CLVS1: variants seen among roughly 807,000 people sequenced by gnomAD.
The protein encoded by CLVS1 is clavesin-1.
Under a neutral mutation model 33.1 loss-of-function variants are expected in CLVS1, and 10 were observed. The observed-to-expected ratio is 0.30, with a 90% CI of 0.19 to 0.51. CLVS1 has a LOEUF of 0.51. CLVS1 is among the 20% of genes least tolerant of loss of function. The probability of loss-of-function intolerance (pLI) is 0.97; values close to 1 mark genes in which losing one functional copy is unlikely to be tolerated. For missense variants in CLVS1, 343 were observed against 433.4 expected (o/e 0.79, Z 1.85); for synonymous variants, 163 against 166.1 (o/e 0.98, Z 0.14).
At chr8:61,052,768 G>A (rs959587277), upstream of CLVS1, among the ~76,000 whole-genome samples, 1 of 152,168 alleles carries the variant, frequency 6.6e-6, no homozygotes, top group African/African-American at 2.4e-5. Context: ...CTCTGAGTGA[G>A]TTGAGGGCCA....
chr8:61,469,376 C>T (rs883554), intron 5 of CLVS1, among the ~76,000 whole-genome samples: 1,625 of 152,176 alleles, frequency 0.011, 32 homozygotes, highest in African/African-American at 0.037. Context: ...TCCTAGATCC[C>T]GCATGGAAGA....
chr8:60,985,525 C>T, the CLVS1 span, among the ~76,000 whole-genome samples: 2 of 152,180 alleles, frequency 1.3e-5, no homozygotes, highest in South Asian at 4.1e-4. Context: ...TGACTCTGTG[C>T]AGTTGGCTCC....
intron 5 of CLVS1, among the ~76,000 whole-genome samples, chr8:61,477,062 T>C (rs1724996021): frequency 6.6e-6 from 1 of 152,190 alleles, no homozygotes; most frequent in African/African-American, 2.4e-5. Flanking sequence ...AATCATGTGG[T>C]TTTTGTCTTT....
the CLVS1 span, among the ~76,000 whole-genome samples, chr8:60,974,096 T>G: frequency 6.6e-6 from 1 of 152,268 alleles, no homozygotes; most frequent in Non-Finnish European, 1.5e-5. Context: ...TTTTATTTAT[T>G]TGGCAGTTTT....
intron 2 of CLVS1, among the ~76,000 whole-genome samples, chr8:61,227,724 T>G (rs1808359490): frequency 6.6e-6 from 1 of 152,184 alleles, no homozygotes; most frequent in African/African-American, 2.4e-5. Flanking sequence ...GGAGTGTCAT[T>G]TGGAGATACT....
At chr8:61,275,574 G>T (rs1319206636) in intron 2 of CLVS1, among the ~76,000 whole-genome samples, 1 of 152,174 alleles carries the variant, frequency 6.6e-6, no homozygotes, top group African/African-American at 2.4e-5. Flanking sequence ...ATGTTGGAAG[G>T]AATAGTAAAA....
intron 2 of CLVS1, among the ~76,000 whole-genome samples, chr8:61,263,389 T>C (rs1169464157): frequency 6.6e-6 from 1 of 152,230 alleles, no homozygotes; most frequent in East Asian, 1.9e-4. Flanking sequence ...TATTTACATA[T>C]GAAAATGTGT....
At chr8:61,359,506 C>T (rs113102959) in intron 2 of CLVS1, among the ~76,000 whole-genome samples, 23 of 152,186 alleles carry the variant, frequency 1.5e-4, no homozygotes, top group African/African-American at 5.1e-4. Flanking sequence ...TAGGCAAGTG[C>T]CATCATGCCC....
At chr8:61,112,641 G>C (rs1805649876) in intron 1 of CLVS1, among the ~76,000 whole-genome samples, 1 of 152,194 alleles carries the variant, frequency 6.6e-6, no homozygotes, top group Admixed American at 6.5e-5. Context: ...TATTCCAGTA[G>C]ATGTAGAGCA....
At chr8:61,493,460 T>C (rs1466079407) in intron 5 of CLVS1, among the ~76,000 whole-genome samples, 2 of 152,330 alleles carry the variant, frequency 1.3e-5, no homozygotes, top group Admixed American at 1.3e-4. Context: ...CCTTAATTTA[T>C]CTAATCCTCA....
intron 2 of CLVS1, among the ~76,000 whole-genome samples, chr8:61,164,001 G>A (rs750294463): frequency 6.6e-6 from 1 of 152,176 alleles, no homozygotes; most frequent in African/African-American, 2.4e-5. Context: ...CCCAAAGGGG[G>A]TTGCCCACTC....
upstream of CLVS1, among the ~76,000 whole-genome samples, chr8:61,053,061 G>T (rs1804413166): frequency 6.6e-6 from 1 of 152,164 alleles, no homozygotes; most frequent in Non-Finnish European, 1.5e-5. Flanking sequence ...GTATGTTTTT[G>T]AGATTCTTGG....
At chr8:61,083,823 T>C (rs1370111488) in intron 1 of CLVS1, among the ~76,000 whole-genome samples, 4 of 152,114 alleles carry the variant, frequency 2.6e-5, no homozygotes, top group Non-Finnish European at 5.9e-5. Context: ...TTTTCCTGCG[T>C]TGAAGAAATT....
chr8:61,190,635 T>C (rs1008282466), intron 2 of CLVS1, among the ~76,000 whole-genome samples: 2 of 151,762 alleles, frequency 1.3e-5, no homozygotes. Flanking sequence ...AGCAAGACTA[T>C]TAAAGAAGAA....
rs1817065165 is a variant in CLVS1, at chr8:61,454,116, G to T, written c.631-25G>T. 2.0e-6 allele frequency: 3 copies of T among 1,513,616 alleles called. No individual in the cohort carries two copies. In the East Asian group the frequency reaches 6.8e-5, roughly 34 times the overall value. 93.8% of individuals were successfully genotyped at this position (1,513,616 alleles called of 1,614,324 possible). ...TAACAAGGTGTGCTTACTAATCGGT[G>T]TGCATTTCTCTCTTTCTGCCCCAGG... On this transcript the variant is annotated intron_variant, in intron 3 of 5. Transcript: ENST00000325897.
At chr8:61,148,562 A>AT (rs1380594938) in intron 2 of CLVS1, among the ~76,000 whole-genome samples, 1 of 152,126 alleles carries the variant, frequency 6.6e-6, no homozygotes, top group Non-Finnish European at 1.5e-5. Context: ...TGGCTGAGAG[A>AT]TTAATAATGG....
intron 1 of CLVS1, among the ~76,000 whole-genome samples, chr8:61,293,732 A>C (rs1030247723): frequency 2.0e-5 from 3 of 152,160 alleles, no homozygotes; most frequent in African/African-American, 7.2e-5. Flanking sequence ...AACCCAATTC[A>C]ATATATATTA....
At chr8:61,031,385 C>T in the CLVS1 span, among the ~76,000 whole-genome samples, 4 of 152,170 alleles carry the variant, frequency 2.6e-5, no homozygotes, top group East Asian at 3.9e-4. Context: ...GGCAGCGAAC[C>T]GTTCCCCACC....
chr8:61,128,056 C>A (rs1199575982), intron 1 of CLVS1, among the ~76,000 whole-genome samples: 3 of 152,184 alleles, frequency 2.0e-5, no homozygotes, highest in Non-Finnish European at 2.9e-5. Context: ...AACCAGCTGC[C>A]ATGGAGTGTT....
Sources: allele counts gnomAD v4.1 joint callset (sites outside exome capture counted in the v4.1 genomes callset), GRCh38; gene constraint gnomAD v4.1.1; transcripts MANE v1.5; gene names NCBI Gene and HGNC (gene_info 2026-07-23, HGNC 2026-07-21).